SKAP2: variants seen among roughly 807,000 people sequenced by gnomAD.
SKAP2 encodes the protein src kinase-associated phosphoprotein 2.
In SKAP2, 28 loss-of-function variants were observed where a neutral mutation model predicts 54.9. The ratio of observed to expected loss-of-function variants is 0.51; its 90% CI spans 0.38 to 0.70. The LOEUF (loss-of-function observed/expected upper bound fraction) is 0.70. SKAP2 is among the 30% of genes least tolerant of loss of function. SKAP2 has a pLI of 0.00. For missense variants in SKAP2, 356 were observed against 424.1 expected, an observed-to-expected ratio of 0.84 and a Z score of 1.41; for synonymous variants, 137 against 134.3, an observed-to-expected ratio of 1.02 and a Z score of -0.14.
At chr7:26,777,319 T>C (rs1338566027) in intron 4 of SKAP2, among the ~76,000 whole-genome samples, 1 of 152,102 alleles carries the variant, frequency 6.6e-6, no homozygotes. Flanking sequence ...GTCTAAGTTA[T>C]GGATTTTTTT....
In SKAP2 at chr7:26,738,864, C is replaced by T. The variant is rs1782367147; in HGVS notation, c.400G>A (p.Gly134Arg). The T allele has an allele frequency of 2.5e-6, 4 of 1,602,794 alleles. No individual in the cohort carries two copies. The highest frequency in any genetic ancestry group is 3.4e-6 in the Non-Finnish European group (4 of 1,169,992). ...EKRRKDHSFL[G>R]FEWQKRWCAL... ...CACCACCGTTTCTGCCATTCAAATC[C>T]CAGAAAGCTGTGATCTGCAATAAAG... is the stretch of plus-strand genomic sequence containing the variant. The change falls in exon 6 of 13, where the codon GGA (glycine) becomes AGA (arginine). Residue 134 changes from glycine to arginine, a missense_variant. Gly to Arg is a moderately radical substitution (Grantham distance 125, BLOSUM62 -2). Transcript: ENST00000345317.
At chr7:26,690,396 G>T in intron 9 of SKAP2, 34 bp from the exon 10 acceptor site, 1 of 1,365,982 alleles carries the variant, frequency 7.3e-7, no homozygotes, top group Non-Finnish European at 1.0e-6. Context: ...CACATTGAAG[G>T]GTTTTCTCAG....
rs545443438 is a variant in SKAP2 at position 26,668,332 on chromosome 7, A to G, written c.*1334T>C. The G allele has an allele frequency of 6.6e-6, 1 of 152,240 alleles. No individual in the cohort carries two copies. Among genetic ancestry groups the G allele is most frequent in the Non-Finnish European group, 1.5e-5 (1 of 68,040 alleles). The allele number at this position is 152,240 out of a possible 1,614,324, so 9.4% of individuals were successfully genotyped here. ...GCATTTTGACATATGTTAAGGCTAC[A>G]TTGGTATCTCATAGGTATTTTAAAC... is the stretch of plus-strand genomic sequence containing the variant. On this transcript the variant is annotated 3_prime_UTR_variant, in exon 13 of 13. Transcript: ENST00000345317.
Position 26,738,887 on chromosome 7 carries a change from A to C in SKAP2, c.386-9T>G. The C allele has an allele frequency of 6.5e-7, 1 of 1,549,416 alleles. No individual in the cohort carries two copies. Among genetic ancestry groups the C allele is most frequent in the Middle Eastern group, 1.7e-4 (1 of 5,940 alleles). On this transcript the variant is annotated splice_polypyrimidine_tract_variant and intron_variant, in intron 5 of 12. Coordinates refer to ENST00000345317, the MANE Select transcript of SKAP2 (RefSeq NM_003930.5). Reference sequence around the variant, plus strand: ...TCCCAGAAAGCTGTGATCTGCAATAAAGAGGGGAAAATGTAAGGCCATTTC... The same window carrying C: ...TCCCAGAAAGCTGTGATCTGCAATACAGAGGGGAAAATGTAAGGCCATTTC...
At chr7:26,706,293 G>A (rs1395409132) in intron 9 of SKAP2, among the ~76,000 whole-genome samples, 1 of 151,950 alleles carries the variant, frequency 6.6e-6, no homozygotes, top group Non-Finnish European at 1.5e-5. Context: ...AAGAGTCAAG[G>A]GTAAAGTAAA....
intron 11 of SKAP2, among the ~76,000 whole-genome samples, chr7:26,674,214 T>C (rs1054067457): frequency 3.9e-5 from 6 of 152,302 alleles, no homozygotes; most frequent in African/African-American, 1.4e-4. Context: ...CACACCAGCC[T>C]TTTGTGAAAA....
rs1326267205 is a variant in SKAP2 at position 26,669,294 on chromosome 7, G to A, written c.*372C>T. 1 of 152,076 alleles carries A rather than the reference G, an allele frequency of 6.6e-6. No individual in the cohort carries two copies. The highest frequency in any genetic ancestry group is 1.5e-5 in the Non-Finnish European group (1 of 68,020). 9.4% of individuals were successfully genotyped at this position (152,076 alleles called of 1,614,324 possible). A position where few individuals can be genotyped will look rare whatever the true frequency, so the allele number is the denominator to read the frequency against. ...TCTCTAAAAATAATTGATGTCCAAT[G>A]ATTAAGAAACATTACAAATCACACC... On this transcript the variant is annotated 3_prime_UTR_variant, in exon 13 of 13. Transcript: ENST00000345317.
rs146850347 is a variant in SKAP2, at chr7:26,734,922, A to T, written c.469+3873T>A. ...ACATACATTCACACCATAGCATTCA[A>T]CCAACAAACTCCTACTCATTCTTTC... On this transcript the variant is annotated intron_variant, in intron 6 of 12. Coordinates refer to ENST00000345317, the MANE Select transcript of SKAP2 (RefSeq NM_003930.5). Among the ~76,000 whole-genome samples, 58 of 152,260 alleles carry T rather than the reference A, an allele frequency of 3.8e-4. No individual in the cohort carries two copies. In the East Asian group the frequency reaches 0.011, roughly 28 times the overall value.
chr7:26,685,967 A>C (rs1786631330), intron 10 of SKAP2, among the ~76,000 whole-genome samples: 1 of 152,192 alleles, frequency 6.6e-6, no homozygotes, highest in Non-Finnish European at 1.5e-5. Flanking sequence ...GTGGAGACAC[A>C]GGCTGGACCA....
At chr7:26,657,391 A>G in the SKAP2 span, among the ~76,000 whole-genome samples, 3 of 152,206 alleles carry the variant, frequency 2.0e-5, no homozygotes, top group African/African-American at 7.2e-5. Context: ...GCTTCCCATC[A>G]AAATTCATAT....
intron 9 of SKAP2, among the ~76,000 whole-genome samples, chr7:26,695,634 C>T (rs1786878829): frequency 6.6e-6 from 1 of 152,190 alleles, no homozygotes; most frequent in East Asian, 1.9e-4. Flanking sequence ...TGTTTGTGGA[C>T]TTTGAAAACA....
rs192918072 is a variant in SKAP2 at position 26,688,244 on chromosome 7, T to C, written c.874+2041A>G. Among the ~76,000 whole-genome samples the C allele has an allele frequency of 4.4e-3, 669 of 152,262 alleles. 2 individuals are homozygous for C. Among genetic ancestry groups the C allele is most frequent in the Non-Finnish European group, 6.7e-3 (459 of 68,012 alleles). ...AAACTATTTTAGAAAGGTAAATATATTCTATAATGTTCAAAAAAAATCAAA... is the reference window on the plus strand; with the variant it reads ...AAACTATTTTAGAAAGGTAAATATACTCTATAATGTTCAAAAAAAATCAAA... On this transcript the variant is annotated intron_variant, in intron 10 of 12. Transcript: ENST00000345317.
chr7:26,794,083 C>T (rs1183449839), intron 4 of SKAP2, among the ~76,000 whole-genome samples: 1 of 152,194 alleles, frequency 6.6e-6, no homozygotes, highest in Non-Finnish European at 1.5e-5. Flanking sequence ...AATTGAGCTG[C>T]TATCCCCAGC....
At chr7:26,818,321 A>G (rs1784314905) in intron 4 of SKAP2, among the ~76,000 whole-genome samples, 1 of 152,146 alleles carries the variant, frequency 6.6e-6, no homozygotes, top group African/African-American at 2.4e-5. Context: ...AAACCTGACA[A>G]AAACAAGCAA....
At chr7:26,728,034 T>A (rs1787743850) in intron 6 of SKAP2, among the ~76,000 whole-genome samples, 1 of 152,082 alleles carries the variant, frequency 6.6e-6, no homozygotes, top group South Asian at 2.1e-4. Context: ...CTAAAGTAAC[T>A]AACATATGTT....
At chr7:26,714,788 A>C (rs1787395709) in intron 9 of SKAP2, among the ~76,000 whole-genome samples, 1 of 152,208 alleles carries the variant, frequency 6.6e-6, no homozygotes, top group Admixed American at 6.5e-5. Flanking sequence ...GGGATTAAAG[A>C]AGCAAATACA....
At chr7:26,664,948 G>C (rs1352949855), downstream of SKAP2, among the ~76,000 whole-genome samples, 2 of 152,080 alleles carry the variant, frequency 1.3e-5, no homozygotes, top group Non-Finnish European at 2.9e-5. Context: ...TGCATTTACA[G>C]TTCCTTTCAT....
chr7:26,834,618 G>A (rs992993502), intron 4 of SKAP2, among the ~76,000 whole-genome samples: 1 of 151,990 alleles, frequency 6.6e-6, no homozygotes, highest in Non-Finnish European at 1.5e-5. Flanking sequence ...ATTCCTGGAC[G>A]CATACACCCT....
intron 3 of SKAP2, 83 bp from the exon 4 acceptor site, chr7:26,844,220 TG>T: frequency 1.2e-6 from 1 of 807,998 alleles, no homozygotes; most frequent in South Asian, 1.6e-5. Context: ...AATGTTACTT[TG>T]TTAGAAGAGG....
Sources: allele counts gnomAD v4.1 joint callset (sites outside exome capture counted in the v4.1 genomes callset), GRCh38; gene constraint gnomAD v4.1.1; transcripts MANE v1.5; gene names NCBI Gene and HGNC (gene_info 2026-07-23, HGNC 2026-07-21).